The following BIRC6 variants were observed in gnomAD, a reference collection of about 807,000 sequenced individuals.
BIRC6 encodes the protein baculoviral IAP repeat containing 6, also known as dual E2 ubiquitin-conjugating enzyme/E3 ubiquitin-protein ligase BIRC6.
A neutral mutation model predicts 503.3 loss-of-function variants in BIRC6; 98 were observed. The observed-to-expected ratio is 0.19, with a 90% CI of 0.17 to 0.23. The LOEUF is 0.23. Ranked by LOEUF, BIRC6 falls within the 10% of genes least tolerant of loss-of-function variation. BIRC6 has a pLI of 1.00. For synonymous variants in BIRC6, 2,240 were observed against 2,078.7 expected (o/e 1.08, Z -2.11); for missense variants, 5,360 against 5,806.0 (o/e 0.92, Z 2.50).
chr2:32,435,192 C>T (rs1197186706), intron 13 of BIRC6, among the ~76,000 whole-genome samples: 1 of 152,138 alleles, frequency 6.6e-6, no homozygotes, highest in African/African-American at 2.4e-5. Flanking sequence ...CAAAGCTCTG[C>T]AAGTGCTTGT....
At chr2:32,613,572 G>A (rs1312308321) in intron 73 of BIRC6, among the ~76,000 whole-genome samples, 1 of 151,916 alleles carries the variant, frequency 6.6e-6, no homozygotes, top group Non-Finnish European at 1.5e-5. Context: ...GTAGAGACGG[G>A]GTTTCACCAT....
intron 22 of BIRC6, among the ~76,000 whole-genome samples, chr2:32,450,841 C>T (rs2046632112): frequency 1.3e-5 from 2 of 152,084 alleles, no homozygotes; most frequent in African/African-American, 2.4e-5. Flanking sequence ...ATACCTAATA[C>T]GATGTTAATG....
rs568110961 is a variant in BIRC6, at chr2:32,373,597, G to T, written c.326-3991G>T. Among the ~76,000 whole-genome samples, 24 of 152,288 alleles carry T rather than the reference G, an allele frequency of 1.6e-4. No individual in the cohort carries two copies. The South Asian group carries it at 4.6e-3, about 29-fold the overall frequency. ...ATACAACAACGGAGAATAAGTGTTGGTGAGGATGTGGAGAAATTGGCACTC... is the reference window on the plus strand; with the variant it reads ...ATACAACAACGGAGAATAAGTGTTGTTGAGGATGTGGAGAAATTGGCACTC... On this transcript the variant is annotated intron_variant, in intron 1 of 73. Coordinates refer to ENST00000421745, the MANE Select transcript of BIRC6 (RefSeq NM_016252.4).
chr2:32,570,360 T>C (rs1194735362), intron 65 of BIRC6, among the ~76,000 whole-genome samples: 1 of 152,212 alleles, frequency 6.6e-6, no homozygotes, highest in Non-Finnish European at 1.5e-5. Flanking sequence ...ATTTTTTTAT[T>C]TTGGGTAGAC....
At chr2:32,408,762 G>A (rs977741860) in intron 9 of BIRC6, among the ~76,000 whole-genome samples, 6 of 152,140 alleles carry the variant, frequency 3.9e-5, no homozygotes, top group African/African-American at 1.4e-4. Context: ...ACTACATATA[G>A]CACTTCATTT....
intron 66 of BIRC6, among the ~76,000 whole-genome samples, chr2:32,578,435 G>A (rs2060410357): frequency 6.6e-6 from 1 of 152,124 alleles, no homozygotes; most frequent in South Asian, 2.1e-4. Context: ...AATGTGTTCT[G>A]TTAATGTATC....
intron 69 of BIRC6, 108 bp from the exon 70 acceptor site, chr2:32,599,631 C>G: frequency 8.8e-7 from 1 of 1,133,406 alleles, no homozygotes. Context: ...GAGTGGGACT[C>G]CATCTCCAAA....
intron 71 of BIRC6, among the ~76,000 whole-genome samples, chr2:32,606,831 C>A (rs2062493845): frequency 6.6e-6 from 1 of 151,928 alleles, no homozygotes. Flanking sequence ...CATGATGAAA[C>A]CCCATCTCTA....
chr2:32,364,830 G>C (rs550531229), intron 1 of BIRC6, among the ~76,000 whole-genome samples: 3 of 150,184 alleles, frequency 2.0e-5, no homozygotes, highest in African/African-American at 7.4e-5. Flanking sequence ...TGCCTGCTCT[G>C]AGAGGTCATG....
intron 71 of BIRC6, among the ~76,000 whole-genome samples, chr2:32,605,173 G>A (rs1347298986): frequency 1.3e-5 from 2 of 152,094 alleles, no homozygotes; most frequent in Non-Finnish European, 2.9e-5. Context: ...GTTAGCCAAC[G>A]TGCCCAGCCA....
At chr2:32,568,825 C>A (rs2059719427) in intron 65 of BIRC6, among the ~76,000 whole-genome samples, 13 of 150,360 alleles carry the variant, frequency 8.6e-5, no homozygotes, top group Admixed American at 8.6e-4. Flanking sequence ...GTCTGGGCAA[C>A]AGGAGCGAAA....
In BIRC6 at chr2:32,493,591, G is replaced by A; in HGVS notation, c.8392G>A (p.Val2798Met). 1 of 1,609,572 alleles carries A rather than the reference G, an allele frequency of 6.2e-7. No individual in the cohort carries two copies. The highest frequency in any genetic ancestry group is 1.1e-5 in the South Asian group (1 of 90,790). Residue 2798 changes from valine to methionine, a missense_variant, in exon 45 of 74, where the codon GTG becomes ATG. Coordinates refer to ENST00000421745, the MANE Select transcript of BIRC6 (RefSeq NM_016252.4). ...GCAAGAATTTCTTACTCGATTACAA[G>A]TGCATCTTTCTTCAACATGTCCTCA... ...AMQEFLTRLQ[V>M]HLSSTCPQIF...
intron 1 of BIRC6, among the ~76,000 whole-genome samples, chr2:32,372,482 CT>C (rs34857951): frequency 6.6e-6 from 1 of 152,132 alleles, no homozygotes; most frequent in African/African-American, 2.4e-5. Context: ...TATTTCATTC[CT>C]TTTTTATTAC....
intron 61 of BIRC6, among the ~76,000 whole-genome samples, chr2:32,532,491 T>C (rs1201496878): frequency 6.6e-6 from 1 of 152,110 alleles, no homozygotes; most frequent in Non-Finnish European, 1.5e-5. Flanking sequence ...TCTTTCTCCT[T>C]ATAAGGACAC....
At position 32,429,219 on chromosome 2, in the gene BIRC6, A is replaced by G. The variant is rs748650447; in HGVS notation, c.2946A>G (p.Gly982=). The change falls in exon 11 of 74, where the codon GGA becomes GGG. Residue 982 remains glycine (G), a synonymous_variant. Coordinates refer to ENST00000421745, the MANE Select transcript of BIRC6 (RefSeq NM_016252.4). ...ATGAAGCTGATATACTAGTGGATGGATCTCTTTCTAAAGGAATAGAACCAT... is the reference window on the plus strand; with the variant it reads ...ATGAAGCTGATATACTAGTGGATGGGTCTCTTTCTAAAGGAATAGAACCAT... The part of the protein sequence containing the change: ...DIDEADILVD[G]SLSKGIEPSS... 2.5e-5 allele frequency: 39 copies of G among 1,569,844 alleles called. No homozygotes were observed. The Middle Eastern group carries it at 1.0e-3, about 40-fold the overall frequency.
At chr2:32,572,060 G>A (rs868812203) in intron 65 of BIRC6, among the ~76,000 whole-genome samples, 69 of 152,134 alleles carry the variant, frequency 4.5e-4, no homozygotes, top group African/African-American at 1.6e-3. Context: ...TTGTTTTCTA[G>A]CTTTATTCCA....
Position 32,357,348 on chromosome 2 carries a change from A to T in BIRC6, c.187A>T (p.Met63Leu). The T allele has an allele frequency of 6.5e-7, 1 of 1,544,816 alleles. No individual in the cohort carries two copies. Among genetic ancestry groups the T allele is most frequent in the Non-Finnish European group, 8.7e-7 (1 of 1,146,052 alleles). Reference sequence around the variant, plus strand: ...GTGGCTGGTGCTGCGGGACGGCTGCATGCACTGCGACGCCGACGGGCTGCA... The same window carrying T: ...GTGGCTGGTGCTGCGGGACGGCTGCTTGCACTGCGACGCCGACGGGCTGCA... The part of the protein sequence containing the change: ...SEWLVLRDGC[M>L]HCDADGLHSL... The change falls in exon 1 of 74, where the codon ATG becomes TTG. Residue 63 changes from methionine to leucine, a missense_variant. This residue lies in a region of BIRC6 where 145 missense variants were observed against 106.9 expected (regional missense o/e 1.36). Coordinates refer to ENST00000421745, the MANE Select transcript of BIRC6 (RefSeq NM_016252.4). The surrounding 1 kb of genome is among the most constrained non-coding windows in gnomAD (Gnocchi z 4.9).
intron 6 of BIRC6, among the ~76,000 whole-genome samples, chr2:32,397,683 C>CACATATATGTGT (rs2040107568): frequency 2.5e-5 from 3 of 121,940 alleles, no homozygotes; most frequent in African/African-American, 9.4e-5. Context: ...TACACACACA[C>CACATATATGTGT]ATATATATGT....
At chr2:32,605,989 C>T (rs1017677464) in intron 71 of BIRC6, among the ~76,000 whole-genome samples, 4 of 152,124 alleles carry the variant, frequency 2.6e-5, no homozygotes, top group Non-Finnish European at 4.4e-5. Flanking sequence ...ACGTTACTTT[C>T]GAGTACTCAT....
Sources: allele counts gnomAD v4.1 joint callset (sites outside exome capture counted in the v4.1 genomes callset), GRCh38; gene constraint gnomAD v4.1.1; regional missense constraint gnomAD v4.1.1; non-coding constraint Gnocchi (gnomAD v3.1); transcripts MANE v1.5; gene names NCBI Gene and HGNC (gene_info 2026-07-23, HGNC 2026-07-21).